The following LYPD6B variants were observed in gnomAD, a reference collection of about 807,000 sequenced individuals.
The protein encoded by LYPD6B is LY6/PLAUR domain containing 6B.
LYPD6B carries 17 observed loss-of-function variants against 22.8 expected under a neutral mutation model. The observed-to-expected ratio is 0.75, with a 90% confidence interval of 0.51 to 1.12. LYPD6B has a LOEUF of 1.12. Among genes scored for constraint, LYPD6B ranks in the 50% most tolerant of loss-of-function variants. The probability of loss-of-function intolerance (pLI) is 0.00; values close to 1 mark genes in which losing one functional copy is unlikely to be tolerated. For synonymous variants in LYPD6B, 106 were observed against 91.6 expected (o/e 1.16, Z -0.90); for missense variants, 221 against 258.3 (o/e 0.86, Z 0.99).
Position 149,116,639 on chromosome 2 carries a change from G to T in LYPD6B, c.-66-14244G>T, listed in dbSNP as rs371499109. The stretch of plus-strand genomic sequence containing the variant: ...TGGAAGTAACCTGAAGGAAGGAACT[G>T]TATTAGCAGTTATGACATGTTGGCA... On this transcript the variant is annotated intron_variant, in intron 1 of 6. Coordinates refer to ENST00000409642, the MANE Select transcript of LYPD6B (RefSeq NM_177964.5). Among the ~76,000 whole-genome samples, 297 of 152,274 alleles carry T rather than the reference G, an allele frequency of 2.0e-3. 1 individual carries two copies. The highest frequency in any genetic ancestry group is 6.9e-3 in the African/African-American group (285 of 41,552).
intron 3 of LYPD6B, among the ~76,000 whole-genome samples, chr2:149,202,673 G>A (rs1693244348): frequency 6.6e-6 from 1 of 152,296 alleles, no homozygotes; most frequent in East Asian, 1.9e-4. Context: ...TTGTTGGGGA[G>A]TCAGCGATAA....
intron 1 of LYPD6B, among the ~76,000 whole-genome samples, chr2:149,060,770 G>C (rs1002695051): frequency 5.9e-5 from 9 of 152,146 alleles, no homozygotes; most frequent in Admixed American, 5.9e-4. Flanking sequence ...AGGAGCTACA[G>C]AGTCACTTCC....
At chr2:149,150,219 T>C (rs1176302592) in intron 2 of LYPD6B, among the ~76,000 whole-genome samples, 1 of 152,196 alleles carries the variant, frequency 6.6e-6, no homozygotes, top group Non-Finnish European at 1.5e-5. Context: ...TGGGTTGCTC[T>C]GTATGCTTGG....
intron 3 of LYPD6B, among the ~76,000 whole-genome samples, chr2:149,163,792 G>T (rs1690246218): frequency 6.6e-6 from 1 of 152,112 alleles, no homozygotes; most frequent in African/African-American, 2.4e-5. Context: ...GTTTTGGGAA[G>T]GGAAGACTTT....
In LYPD6B at chr2:149,159,371, T is replaced by C. The variant is rs1689902553; in HGVS notation, c.6-1393T>C. Among the ~76,000 whole-genome samples the C allele has an allele frequency of 3.3e-5, 5 of 152,212 alleles. No homozygotes were observed. The South Asian group carries it at 1.0e-3, about 31-fold the overall frequency. ...TTCTTCTTTGCTTTGGCTACTAGCA[T>C]GCTCAGAGCCTAATTTTTGAACCAC... On this transcript the variant is annotated intron_variant, in intron 2 of 6. Transcript: ENST00000409642.
intron 1 of LYPD6B, among the ~76,000 whole-genome samples, chr2:149,039,478 G>A (rs1441720960): frequency 6.6e-6 from 1 of 152,178 alleles, no homozygotes; most frequent in African/African-American, 2.4e-5. Context: ...ACCTCCCAAG[G>A]CCAGGGGATC....
At chr2:149,183,327 A>C (rs1007347996) in intron 3 of LYPD6B, among the ~76,000 whole-genome samples, 2 of 152,190 alleles carry the variant, frequency 1.3e-5, no homozygotes, top group Non-Finnish European at 2.9e-5. Context: ...CCTCAGCAAG[A>C]TACCTGGTCA....
intron 1 of LYPD6B, among the ~76,000 whole-genome samples, chr2:149,109,469 G>A (rs575957525): frequency 6.6e-6 from 1 of 152,114 alleles, no homozygotes; most frequent in African/African-American, 2.4e-5. Flanking sequence ...GCTTTGAGCA[G>A]TTTTATTATT....
At chr2:149,150,803 A>G (rs391947) in intron 2 of LYPD6B, among the ~76,000 whole-genome samples, 98,601 of 151,844 alleles carry the variant, frequency 0.65, 32,179 homozygotes, top group South Asian at 0.76. Context: ...TCTAGAACTC[A>G]TTTGGCTCGT....
intron 1 of LYPD6B, among the ~76,000 whole-genome samples, chr2:149,093,920 A>C (rs1314399295): frequency 6.6e-6 from 1 of 151,972 alleles, no homozygotes; most frequent in Non-Finnish European, 1.5e-5. Flanking sequence ...ACACTTTGAA[A>C]CTCCTTTACA....
intron 1 of LYPD6B, among the ~76,000 whole-genome samples, chr2:149,079,193 A>G (rs920702914): frequency 2.6e-5 from 4 of 151,958 alleles, no homozygotes; most frequent in African/African-American, 9.7e-5. Context: ...TTGTTCTCCA[A>G]GGGTCTAACT....
chr2:149,119,070 T>A (rs1436845676), intron 1 of LYPD6B: 2 of 152,192 alleles, frequency 1.3e-5, no homozygotes, highest in Non-Finnish European at 2.9e-5. Context: ...AGAAAATGAA[T>A]CATGTATAAT....
intron 3 of LYPD6B, among the ~76,000 whole-genome samples, chr2:149,168,880 A>G (rs1690619021): frequency 6.6e-6 from 1 of 152,164 alleles, no homozygotes; most frequent in African/African-American, 2.4e-5. Context: ...CAGTATACCC[A>G]AACAGATTGT....
chr2:149,046,603 C>G (rs2105266144), intron 1 of LYPD6B, among the ~76,000 whole-genome samples: 1 of 152,132 alleles, frequency 6.6e-6, no homozygotes. Context: ...CCCTCGACCT[C>G]CTGGTCTTGA....
chr2:149,213,178 G>C (rs935317233), intron 6 of LYPD6B, 56 bp downstream of exon 6: 3 of 1,595,566 alleles, frequency 1.9e-6, no homozygotes, highest in Non-Finnish European at 2.6e-6. Flanking sequence ...AATGTAAGTC[G>C]TAGATCAAAG....
intron 3 of LYPD6B, among the ~76,000 whole-genome samples, chr2:149,198,986 T>C (rs1037589255): frequency 6.6e-6 from 1 of 152,202 alleles, no homozygotes; most frequent in Non-Finnish European, 1.5e-5. Flanking sequence ...TCTTAAGAAA[T>C]CAGTGCACAG....
intron 1 of LYPD6B, among the ~76,000 whole-genome samples, chr2:149,075,291 A>G (rs944665600): frequency 6.6e-6 from 1 of 152,218 alleles, no homozygotes; most frequent in Non-Finnish European, 1.5e-5. Flanking sequence ...TAAGTAGTAA[A>G]CAAATATTAT....
Position 149,133,837 on chromosome 2 carries a change from G to A in LYPD6B, c.5+2884G>A, listed in dbSNP as rs544932194. Among the ~76,000 whole-genome samples, 334 of 152,248 alleles carry A rather than the reference G, an allele frequency of 2.2e-3. 4 individuals are homozygous for A. The highest frequency in any genetic ancestry group is 5.4e-4 in the Non-Finnish European group (37 of 68,018). ...GAGTGAAATAAAGAAAATCCATTTA[G>A]CAAATATTTATTGAATGCCTTCTTG... On this transcript the variant is annotated intron_variant, in intron 2 of 6. Transcript: ENST00000409642.
At chr2:149,120,359 GTGTA>G (rs1559009819) in intron 1 of LYPD6B, among the ~76,000 whole-genome samples, 2 of 50,546 alleles carry the variant, frequency 4.0e-5, no homozygotes, top group African/African-American at 2.9e-4. Context: ...ATGTGTGTGT[GTGTA>G]TATATATATA....
Sources: allele counts gnomAD v4.1 joint callset (sites outside exome capture counted in the v4.1 genomes callset), GRCh38; gene constraint gnomAD v4.1.1; transcripts MANE v1.5; gene names NCBI Gene and HGNC (gene_info 2026-07-23, HGNC 2026-07-21).